The following SEL1L variants were observed in gnomAD, a reference collection of about 807,000 sequenced individuals.
SEL1L encodes SEL1L adaptor subunit of SYVN1 ubiquitin ligase.
A neutral mutation model predicts 109.8 loss-of-function variants in SEL1L; 52 were observed. That is an observed-to-expected ratio of 0.47 (90% CI 0.38 to 0.60). The LOEUF is 0.60. SEL1L is among the 20% of genes least tolerant of loss of function. SEL1L has a pLI of 0.00. For missense variants in SEL1L, 749 were observed against 962.2 expected (o/e 0.78, Z 2.93); for synonymous variants, 373 against 339.6 (o/e 1.10, Z -1.08).
At chr14:81,524,620 C>T (rs1885043493) in intron 3 of SEL1L, among the ~76,000 whole-genome samples, 8 of 152,140 alleles carry the variant, frequency 5.3e-5, no homozygotes. Flanking sequence ...GCCTGTAATC[C>T]CAGCACTGTG....
intron 3 of SEL1L, 116 bp from the exon 4 acceptor site, chr14:81,506,357 T>A: frequency 1.2e-6 from 1 of 855,562 alleles, no homozygotes; most frequent in Non-Finnish European, 1.7e-6. Context: ...ATGCCTGATT[T>A]GTAACTGGGA....
At position 81,484,269 on chromosome 14, in the gene SEL1L, A is replaced by T; in HGVS notation, c.2002T>A (p.Phe668Ile). 6.2e-7 allele frequency: 1 copy of T among 1,614,080 alleles called. No homozygotes were observed. Among genetic ancestry groups the T allele is most frequent in the Non-Finnish European group, 8.5e-7 (1 of 1,179,920 alleles). Residue 668 changes from phenylalanine to isoleucine, a missense_variant, in exon 19 of 21, where the codon TTT becomes ATT. Physicochemically the swap from Phe to Ile is conservative, Grantham distance 21. Transcript: ENST00000336735. ...TTCTCATGCATATATCCCAGATTAA[A>T]CATAGCTTGTGCACTGTGTTGCTGC... ...SEQQHSAQAM[F>I]NLGYMHEKGL... is the part of the protein sequence containing the mutation.
In SEL1L at chr14:81,471,757, C is replaced by G. The variant is rs1903020630; in HGVS notation, c.*5215G>C. On this transcript the variant is annotated 3_prime_UTR_variant, in exon 21 of 21. Transcript: ENST00000336735. ...TCAGAGTTCTACTCAAAATATAATA[C>G]TACCAATAAACTACTAGCATAGTGA... The G allele has an allele frequency of 6.6e-6, 1 of 152,108 alleles. No individual in the cohort carries two copies. Among genetic ancestry groups the G allele is most frequent in the Non-Finnish European group, 1.5e-5 (1 of 68,010 alleles). The allele number at this position is 152,108 out of a possible 1,614,324, so 9.4% of individuals were successfully genotyped here. A position where few individuals can be genotyped will look rare whatever the true frequency, so the allele number is the denominator to read the frequency against.
chr14:81,517,929 ACTT>A (rs149436372), intron 3 of SEL1L, among the ~76,000 whole-genome samples: 7,983 of 151,554 alleles, frequency 0.053, 665 homozygotes, highest in African/African-American at 0.18. Flanking sequence ...CTGGGACTGA[ACTT>A]CTTCTTCTTT....
At chr14:81,533,208 T>C (rs961196628) in intron 1 of SEL1L, among the ~76,000 whole-genome samples, 2 of 152,162 alleles carry the variant, frequency 1.3e-5, no homozygotes, top group Non-Finnish European at 2.9e-5. Flanking sequence ...AGGGACCATC[T>C]CAGGTGTTAA....
intron 3 of SEL1L, among the ~76,000 whole-genome samples, chr14:81,523,029 G>C (rs940412191): frequency 6.6e-6 from 1 of 152,040 alleles, no homozygotes; most frequent in Admixed American, 6.6e-5. Context: ...TTGTGATATT[G>C]TGAAAAAAAT....
intron 11 of SEL1L, 113 bp downstream of exon 11, chr14:81,494,968 T>C: frequency 1.0e-6 from 1 of 973,506 alleles, no homozygotes; most frequent in Non-Finnish European, 1.6e-6. Flanking sequence ...TCATTTGTGA[T>C]GGGTGTTTAA....
intron 1 of SEL1L, 132 bp downstream of exon 1, chr14:81,533,543 C>G: frequency 1.2e-6 from 1 of 822,258 alleles, no homozygotes; most frequent in Non-Finnish European, 1.9e-6. Context: ...AGCCAAAGAG[C>G]GAGTGACAGC....
At chr14:81,528,121 G>A (rs897300761) in intron 1 of SEL1L, among the ~76,000 whole-genome samples, 5 of 152,076 alleles carry the variant, frequency 3.3e-5, no homozygotes, top group African/African-American at 7.2e-5. Context: ...TTCATACTCC[G>A]GGCTTCCACC....
At chr14:81,510,102 A>T (rs1484851826) in intron 3 of SEL1L, among the ~76,000 whole-genome samples, 1 of 152,198 alleles carries the variant, frequency 6.6e-6, no homozygotes, top group East Asian at 1.9e-4. Flanking sequence ...CTAAGGAACC[A>T]GCAGCCAACT....
intron 2 of SEL1L, among the ~76,000 whole-genome samples, chr14:81,527,436 C>T (rs1885154687): frequency 9.5e-6 from 1 of 105,188 alleles, no homozygotes; most frequent in South Asian, 3.1e-4. Context: ...AATCTTCAAA[C>T]TTACACACAC....
rs1270362854 is a variant in SEL1L at position 81,490,374 on chromosome 14, A to G, written c.1332+14T>C. 1 of 1,597,756 alleles carries G rather than the reference A, an allele frequency of 6.3e-7. No individual in the cohort carries two copies. The highest frequency in any genetic ancestry group is 1.3e-5 in the African/African-American group (1 of 74,544). On this transcript the variant is annotated intron_variant, in intron 13 of 20. Coordinates refer to ENST00000336735, the MANE Select transcript of SEL1L (RefSeq NM_005065.6). ...ATATGGTACACATTTCAGTACACTGAGACAAAGCCTTACCATGTCAGCAGC... is the reference window on the plus strand; with the variant it reads ...ATATGGTACACATTTCAGTACACTGGGACAAAGCCTTACCATGTCAGCAGC...
rs75418815 is a variant in SEL1L at position 81,493,643 on chromosome 14, A to G, written c.1186-1095T>C. 3.1e-3 allele frequency among the ~76,000 whole-genome samples: 467 copies of G among 152,362 alleles called. 2 individuals are homozygous for G. In the Middle Eastern group the frequency reaches 0.037, roughly 12 times the overall value. On this transcript the variant is annotated intron_variant, in intron 11 of 20. Transcript: ENST00000336735. ...TGTTAGCTACTTTCCTTCACAGCCAAGCTTCTCGAATAAATTGGTGACATG... is the reference window on the plus strand; with the variant it reads ...TGTTAGCTACTTTCCTTCACAGCCAGGCTTCTCGAATAAATTGGTGACATG...
intron 14 of SEL1L, chr14:81,488,863 G>C (rs751329721): frequency 8.3e-6 from 2 of 241,264 alleles, no homozygotes; most frequent in Non-Finnish European, 1.6e-5. Flanking sequence ...GTAGCTAGAA[G>C]GGGTAAAGGG....
intron 12 of SEL1L, 49 bp from the exon 13 acceptor site, chr14:81,490,514 T>C (rs776153240): frequency 2.1e-5 from 29 of 1,408,548 alleles, no homozygotes; most frequent in Non-Finnish European, 2.8e-5. Context: ...CTCTCTCCAA[T>C]TACATTTTTC....
intron 1 of SEL1L, 54 bp downstream of exon 1, chr14:81,533,621 A>G (rs1235352273): frequency 3.2e-6 from 5 of 1,569,420 alleles, no homozygotes; most frequent in African/African-American, 2.7e-5. Context: ...CGCCGGCTGT[A>G]GAGGCTGGGG....
At chr14:81,481,445 T>A (rs1490514383) in intron 19 of SEL1L, among the ~76,000 whole-genome samples, 1 of 152,230 alleles carries the variant, frequency 6.6e-6, no homozygotes, top group East Asian at 1.9e-4. Flanking sequence ...ATGGTTAGTG[T>A]CTGAGTTTTT....
rs371279101 is a variant in SEL1L at position 81,505,568 on chromosome 14, T to C, written c.508+506A>G. On this transcript the variant is annotated intron_variant, in intron 4 of 20. Transcript: ENST00000336735. ...TATGTTCAAGATTTTCTGTTGTTTT[T>C]TCATAGTTAGGAAGTTTTTCCTGAA... Among the ~76,000 whole-genome samples, 330 of 152,318 alleles carry C rather than the reference T, an allele frequency of 2.2e-3. 2 individuals are homozygous for C. The Middle Eastern group carries it at 0.037, about 17-fold the overall frequency.
chr14:81,473,503 G>A lies in SEL1L; in HGVS notation c.*3469C>T, dbSNP rs755266482. The A allele has an allele frequency of 1.3e-5, 2 of 152,070 alleles. No individual in the cohort carries two copies. The highest frequency in any genetic ancestry group is 2.9e-5 in the Non-Finnish European group (2 of 68,000). The allele number at this position is 152,070 out of a possible 1,614,324, so 9.4% of individuals were successfully genotyped here. ...GAGTGATGACTGATGAAAAATATTT[G>A]CATGAAAATAGAAATTTTCTTTTGT... is the stretch of plus-strand genomic sequence containing the variant. On this transcript the variant is annotated 3_prime_UTR_variant, in exon 21 of 21. Transcript: ENST00000336735.
Sources: allele counts gnomAD v4.1 joint callset (sites outside exome capture counted in the v4.1 genomes callset), GRCh38; gene constraint gnomAD v4.1.1; transcripts MANE v1.5; gene names NCBI Gene and HGNC (gene_info 2026-07-23, HGNC 2026-07-21).